Variants in PIAS2 observed in about 807,000 individuals in gnomAD.
PIAS2 encodes the protein E3 SUMO-protein ligase PIAS2.
Under a neutral mutation model 69.7 loss-of-function variants are expected in PIAS2, and 19 were observed. That is an observed-to-expected ratio of 0.27 (90% CI 0.19 to 0.40). PIAS2 has a LOEUF of 0.40. Among genes scored for constraint, PIAS2 ranks in the 10% least tolerant of loss-of-function variants. The pLI, the probability that PIAS2 is intolerant of heterozygous loss-of-function variation, is 1.00. For synonymous variants in PIAS2, 261 were observed against 263.2 expected (o/e 0.99, Z 0.08); for missense variants, 624 against 757.0 (o/e 0.82, Z 2.06).
At chr18:46,828,220 G>C in intron 10 of PIAS2, 90 bp from the exon 11 acceptor site, 1 of 1,153,962 alleles carries the variant, frequency 8.7e-7, no homozygotes, top group Non-Finnish European at 1.2e-6. Flanking sequence ...AGTATAGTAT[G>C]TTCCTGACAA....
intron 1 of PIAS2, chr18:46,900,971 T>C (rs2055741432): frequency 2.7e-6 from 1 of 371,684 alleles, no homozygotes. Flanking sequence ...CGAAACTCTG[T>C]CTCAAATAAT....
At chr18:46,813,910 C>A (rs1361270689) in intron 13 of PIAS2, among the ~76,000 whole-genome samples, 1 of 152,114 alleles carries the variant, frequency 6.6e-6, no homozygotes, top group African/African-American at 2.4e-5. Context: ...TTGAATTGTC[C>A]AGTATTAAAA....
chr18:46,842,791 C>A (rs1316392187), intron 8 of PIAS2, among the ~76,000 whole-genome samples: 3 of 152,192 alleles, frequency 2.0e-5, no homozygotes, highest in Non-Finnish European at 1.5e-5. Flanking sequence ...CCTCTGCCAA[C>A]ACCCTCAGGG....
In PIAS2 at chr18:46,870,615, CAAAAAAAAAAAAAAA is replaced by C. The variant is rs58099640; in HGVS notation, c.500-6382_500-6368del. 4.6e-4 allele frequency among the ~76,000 whole-genome samples: 25 copies of C among 54,932 alleles called. No individual in the cohort carries two copies. In the East Asian group the frequency reaches 8.3e-3, roughly 18 times the overall value. 36.0% of individuals were successfully genotyped at this position (54,932 alleles called of 152,430 possible). On this transcript the variant is annotated intron_variant, in intron 2 of 13. Coordinates refer to ENST00000585916, the MANE Select transcript of PIAS2 (RefSeq NM_004671.5). ...TGGGCAACAGAGCAAGACTCCGTCTCAAAAAAAAAAAAAAAAAAAAAAAAAAAAAGGAACTCGAGT... is the reference window on the plus strand; with the variant it reads ...TGGGCAACAGAGCAAGACTCCGTCTCAAAAAAAAAAAAAAGGAACTCGAGT...
intron 11 of PIAS2, among the ~76,000 whole-genome samples, chr18:46,826,066 T>A (rs1389822893): frequency 1.3e-5 from 2 of 152,236 alleles, no homozygotes; most frequent in African/African-American, 2.4e-5. Flanking sequence ...AAGGGCTACA[T>A]CAGCTTCATG....
intron 2 of PIAS2, among the ~76,000 whole-genome samples, chr18:46,888,847 C>G (rs1279726337): frequency 6.6e-6 from 1 of 151,994 alleles, no homozygotes; most frequent in East Asian, 1.9e-4. Context: ...GCTGTGCGAC[C>G]TGGTTTCTAA....
At chr18:46,895,687 C>T (rs1044868872) in intron 1 of PIAS2, among the ~76,000 whole-genome samples, 10 of 152,026 alleles carry the variant, frequency 6.6e-5, no homozygotes, top group African/African-American at 2.4e-4. Context: ...GAATAATAAT[C>T]ATCTACATCT....
chr18:46,896,258 T>C (rs1179645720), intron 1 of PIAS2, among the ~76,000 whole-genome samples: 4 of 132,074 alleles, frequency 3.0e-5, no homozygotes, highest in Non-Finnish European at 6.7e-5. Flanking sequence ...GTCTTATAAA[T>C]GAAAAAAAAA....
chr18:46,842,519 T>C (rs1016004982), intron 8 of PIAS2, among the ~76,000 whole-genome samples: 1 of 152,144 alleles, frequency 6.6e-6, no homozygotes, highest in Non-Finnish European at 1.5e-5. Flanking sequence ...CCCCATATGG[T>C]GACTGTATGT....
chr18:46,829,432 T>A (rs1285904574), intron 10 of PIAS2, among the ~76,000 whole-genome samples: 5 of 152,240 alleles, frequency 3.3e-5, no homozygotes, highest in Non-Finnish European at 7.3e-5. Context: ...TCTGAAAAAC[T>A]GTCCATATAA....
chr18:46,887,735 C>G (rs1488125421), intron 2 of PIAS2, among the ~76,000 whole-genome samples: 1 of 152,042 alleles, frequency 6.6e-6, no homozygotes, highest in Non-Finnish European at 1.5e-5. Context: ...GAAAGTAAGT[C>G]CCTTTATAAA....
chr18:46,828,125 T>C lies in PIAS2; in HGVS notation c.1342A>G (p.Ser448Gly), dbSNP rs772099394. 6.3e-7 allele frequency: 1 copy of C among 1,592,958 alleles called. No homozygotes were observed. The highest frequency in any genetic ancestry group is 1.1e-5 in the South Asian group (1 of 87,900). Residue 448 changes from serine to glycine, a missense_variant, in exon 11 of 14, where the codon AGC (serine) becomes GGC (glycine). Transcript: ENST00000585916. ...ACTGAACAAGGCTTACTGAGGACGCTTGAACCTGCATGTAAAGAAACAAAA... is the reference window on the plus strand; with the variant it reads ...ACTGAACAAGGCTTACTGAGGACGCCTGAACCTGCATGTAAAGAAACAAAA... ...SQPCTKIESS[S>G]VLSKPCSVTV... is the part of the protein sequence containing the mutation.
chr18:46,829,390 A>G (rs1310672619), intron 10 of PIAS2, among the ~76,000 whole-genome samples: 2 of 152,206 alleles, frequency 1.3e-5, no homozygotes, highest in Non-Finnish European at 2.9e-5. Context: ...ACCTCCACCT[A>G]GGGTTCCACC....
At position 46,811,297 on chromosome 18, in the gene PIAS2, C is replaced by CAA. The variant is rs2040986483; in HGVS notation, c.*1135_*1136insTT. 1 of 151,882 alleles carries CAA rather than the reference C, an allele frequency of 6.6e-6. No homozygotes were observed. 9.4% of individuals were successfully genotyped at this position (151,882 alleles called of 1,614,324 possible). A position where few individuals can be genotyped will look rare whatever the true frequency, so the allele number is the denominator to read the frequency against. ...AAAAAAAATCTAATGCTGTCCCTTT[C>CAA]CCTAAGTTTGAAAATCACTGCTGAG... On this transcript the variant is annotated 3_prime_UTR_variant, in exon 14 of 14. Transcript: ENST00000585916.
intron 1 of PIAS2, among the ~76,000 whole-genome samples, chr18:46,901,506 G>T (rs2055857882): frequency 6.6e-6 from 1 of 152,028 alleles, no homozygotes; most frequent in Non-Finnish European, 1.5e-5. Flanking sequence ...TATATAAAAA[G>T]AATTAAACAC....
intron 3 of PIAS2, 107 bp from the exon 4 acceptor site, chr18:46,855,722 C>T: frequency 1.2e-6 from 1 of 823,096 alleles, no homozygotes; most frequent in Non-Finnish European, 2.0e-6. Flanking sequence ...TTTTCTTATT[C>T]CCTGAAAGGT....
In PIAS2 at chr18:46,811,025, C is replaced by T. The variant is rs931473535; in HGVS notation, c.*1408G>A. 1.1e-4 allele frequency: 16 copies of T among 152,076 alleles called. No homozygotes were observed. The highest frequency in any genetic ancestry group is 1.6e-4 in the Non-Finnish European group (11 of 68,020). 9.4% of individuals were successfully genotyped at this position (152,076 alleles called of 1,614,324 possible). A position where few individuals can be genotyped will look rare whatever the true frequency, so the allele number is the denominator to read the frequency against. On this transcript the variant is annotated 3_prime_UTR_variant, in exon 14 of 14. Coordinates refer to ENST00000585916, the MANE Select transcript of PIAS2 (RefSeq NM_004671.5). The stretch of plus-strand genomic sequence containing the variant: ...TAAAAAACTGGATGAAAATGTTTCT[C>T]TAAGAGTAAAACCCAGTTTTCTCTG...
At chr18:46,916,416 A>C (rs1477411670) in intron 1 of PIAS2, among the ~76,000 whole-genome samples, 1 of 151,956 alleles carries the variant, frequency 6.6e-6, no homozygotes. Context: ...AAAAAAAAAA[A>C]ATCAGGGTTT....
chr18:46,856,615 T>C (rs1478121877), intron 3 of PIAS2, among the ~76,000 whole-genome samples: 2 of 152,170 alleles, frequency 1.3e-5, no homozygotes, highest in South Asian at 2.1e-4. Flanking sequence ...CCTTAGGAGC[T>C]TGTTGGAAAT....
Sources: allele counts gnomAD v4.1 joint callset (sites outside exome capture counted in the v4.1 genomes callset), GRCh38; gene constraint gnomAD v4.1.1; transcripts MANE v1.5; gene names NCBI Gene and HGNC (gene_info 2026-07-23, HGNC 2026-07-21).